The following PACRG variants were observed in gnomAD, a reference collection of about 807,000 sequenced individuals.
PACRG encodes the protein parkin coregulated.
PACRG carries 29 observed loss-of-function variants against 29.7 expected under a neutral mutation model. The ratio of observed to expected loss-of-function variants is 0.98; its 90% CI spans 0.73 to 1.33. The LOEUF is 1.33. PACRG is among the 40% of genes most tolerant of loss of function. PACRG has a pLI of 0.00. For synonymous variants in PACRG, 116 were observed against 118.7 expected (o/e 0.98, Z 0.15); for missense variants, 279 against 316.2 (o/e 0.88, Z 0.89).
At chr6:163,105,625 T>C (rs933674998) in intron 4 of PACRG, among the ~76,000 whole-genome samples, 1 of 152,128 alleles carries the variant, frequency 6.6e-6, no homozygotes, top group Non-Finnish European at 1.5e-5. Flanking sequence ...CAACATTGGG[T>C]CATTGAAAAA....
chr6:163,032,106 T>G (rs992541030), intron 2 of PACRG, among the ~76,000 whole-genome samples: 1 of 152,200 alleles, frequency 6.6e-6, no homozygotes, highest in South Asian at 2.1e-4. Context: ...AGAAATCAGA[T>G]AGAGAGAAAC....
At chr6:162,885,567 G>C (rs910687703) in intron 2 of PACRG, among the ~76,000 whole-genome samples, 1 of 152,098 alleles carries the variant, frequency 6.6e-6, no homozygotes, top group Non-Finnish European at 1.5e-5. Flanking sequence ...CACCGTGCCT[G>C]GCCTAAATAA....
chr6:162,842,064 T>C (rs1468252255), intron 2 of PACRG, among the ~76,000 whole-genome samples: 1 of 150,312 alleles, frequency 6.7e-6, no homozygotes, highest in Non-Finnish European at 1.5e-5. Context: ...GAAAAAAATG[T>C]ATATTCTGTT....
At chr6:163,206,374 C>A (rs1200387722) in intron 4 of PACRG, among the ~76,000 whole-genome samples, 1 of 152,166 alleles carries the variant, frequency 6.6e-6, no homozygotes, top group African/African-American at 2.4e-5. Context: ...GAATACTATG[C>A]AGCCATGAAA....
chr6:162,825,682 C>CT (rs1331298758), intron 2 of PACRG, among the ~76,000 whole-genome samples: 1 of 152,130 alleles, frequency 6.6e-6, no homozygotes, highest in East Asian at 1.9e-4. Context: ...CATCTATTAT[C>CT]TTGAGCTCCT....
At chr6:163,043,800 G>A (rs879152506) in intron 2 of PACRG, among the ~76,000 whole-genome samples, 3 of 152,168 alleles carry the variant, frequency 2.0e-5, no homozygotes, top group Admixed American at 6.5e-5. Flanking sequence ...GGACATTGTC[G>A]GAATCAGAGA....
intron 1 of PACRG, among the ~76,000 whole-genome samples, chr6:162,786,416 A>G (rs1037260822): frequency 1.3e-5 from 2 of 152,234 alleles, no homozygotes; most frequent in Admixed American, 6.5e-5. Context: ...ACAGTTAGAT[A>G]TATCTATTTT....
intron 3 of PACRG, among the ~76,000 whole-genome samples, chr6:163,069,274 CAT>C (rs886328398): frequency 7.8e-6 from 1 of 128,854 alleles, no homozygotes; most frequent in Non-Finnish European, 1.6e-5. Flanking sequence ...TCCAGGAAAA[CAT>C]GAACTCACCA....
chr6:163,180,492 TG>T (rs1228448298), intron 4 of PACRG, among the ~76,000 whole-genome samples: 1 of 152,124 alleles, frequency 6.6e-6, no homozygotes. Flanking sequence ...CCAGGTGCAG[TG>T]GCTCACACTT....
intron 2 of PACRG, among the ~76,000 whole-genome samples, chr6:162,897,056 A>G (rs1795223576): frequency 6.6e-6 from 1 of 152,236 alleles, no homozygotes. Context: ...CCCTACAACA[A>G]GGAACTAACG....
At chr6:163,210,894 G>T (rs2128154484) in intron 4 of PACRG, among the ~76,000 whole-genome samples, 1 of 152,318 alleles carries the variant, frequency 6.6e-6, no homozygotes, top group African/African-American at 2.4e-5. Flanking sequence ...AGTTGACCTG[G>T]TGAACTGTCT....
upstream of PACRG, chr6:162,727,614 G>A (rs201003791): frequency 1.7e-4 from 260 of 1,562,042 alleles, no homozygotes; most frequent in African/African-American, 3.2e-3. Context: ...CGCCATACCG[G>A]GGCGTGGGGC....
chr6:162,867,183 C>T (rs1249755825), intron 2 of PACRG, among the ~76,000 whole-genome samples: 1 of 152,212 alleles, frequency 6.6e-6, no homozygotes, highest in African/African-American at 2.4e-5. Context: ...GCTCCCCAGT[C>T]TTCTAGCCCA....
chr6:163,028,302 A>G (rs1328270559), intron 2 of PACRG, among the ~76,000 whole-genome samples: 1 of 152,178 alleles, frequency 6.6e-6, no homozygotes, highest in Non-Finnish European at 1.5e-5. Flanking sequence ...AAGCTGCTGT[A>G]TCAAAATTAC....
chr6:163,082,403 G>T (rs1211656484), intron 3 of PACRG, among the ~76,000 whole-genome samples: 2 of 151,924 alleles, frequency 1.3e-5, no homozygotes, highest in Admixed American at 1.3e-4. Flanking sequence ...AAAATAAAGG[G>T]TTAAAAATAA....
In PACRG at chr6:162,931,951, C is replaced by T. The variant is rs145896092; in HGVS notation, c.291+117670C>T. Among the ~76,000 whole-genome samples the T allele has an allele frequency of 4.6e-4, 70 of 152,014 alleles. No homozygotes were observed. The East Asian group carries it at 0.01, about 23-fold the overall frequency. On this transcript the variant is annotated intron_variant, in intron 2 of 4. Coordinates refer to ENST00000366888, the MANE Select transcript of PACRG (RefSeq NM_001080379.2). Reference sequence around the variant, plus strand: ...AAAATGTATGTTCATACAATGACTTCGACATGAATGTTGATAAGGGCTTTA... The same window carrying T: ...AAAATGTATGTTCATACAATGACTTTGACATGAATGTTGATAAGGGCTTTA...
At position 162,801,858 on chromosome 6, in the gene PACRG, T is replaced by A. The variant is rs186663598; in HGVS notation, c.157-12289T>A. ...TCAGACAAATTAATTCTGATTTAAC[T>A]GTTAACTACAAAAGTTGTAAATGGA... On this transcript the variant is annotated intron_variant, in intron 1 of 4. Transcript: ENST00000366888. Among the ~76,000 whole-genome samples the A allele has an allele frequency of 7.8e-4, 119 of 152,282 alleles. No homozygotes were observed. In the East Asian group the frequency reaches 0.012, roughly 15 times the overall value.
chr6:163,155,258 C>T (rs1343386743), intron 4 of PACRG, among the ~76,000 whole-genome samples: 2 of 152,198 alleles, frequency 1.3e-5, no homozygotes, highest in South Asian at 4.1e-4. Flanking sequence ...TTGAATGGTA[C>T]CCCGGGCTAG....
rs375940137 is a variant in PACRG at position 162,855,396 on chromosome 6, T to A, written c.291+41115T>A. Among the ~76,000 whole-genome samples the A allele has an allele frequency of 7.7e-4, 118 of 152,260 alleles. No individual in the cohort carries two copies. The East Asian group carries it at 0.011, about 15-fold the overall frequency. On this transcript the variant is annotated intron_variant, in intron 2 of 4. Transcript: ENST00000366888. Reference sequence around the variant, plus strand: ...ATTCCTAATCTTATAGACACTCTTCTTTTTTGCGTATCAGAGATGTAAGTA... The same window carrying A: ...ATTCCTAATCTTATAGACACTCTTCATTTTTGCGTATCAGAGATGTAAGTA...
Sources: gnomAD v4.1 joint callset for allele counts (sites outside exome capture counted in the v4.1 genomes callset) on GRCh38, gnomAD v4.1.1 for gene constraint, MANE v1.5 for transcripts, NCBI Gene and HGNC (gene_info 2026-07-23, HGNC 2026-07-21) for gene names.